The following TMTC2 variants were observed in gnomAD, a reference collection of about 807,000 sequenced individuals.
The protein encoded by TMTC2 is transmembrane O-mannosyltransferase targeting cadherins 2, also known as protein O-mannosyl-transferase TMTC2.
A neutral mutation model predicts 82.4 loss-of-function variants in TMTC2; 43 were observed. The ratio of observed to expected loss-of-function variants is 0.52; its 90% CI spans 0.41 to 0.67. TMTC2 has a LOEUF of 0.67. TMTC2 is among the 30% of genes least tolerant of loss of function. The pLI is 0.00. For synonymous variants in TMTC2, 408 were observed against 381.9 expected, an observed-to-expected ratio of 1.07 and a Z score of -0.80; for missense variants, 919 against 1,012.4, an observed-to-expected ratio of 0.91 and a Z score of 1.25.
rs145942090 is a variant in TMTC2 at position 82,687,733 on chromosome 12, T to G, written c.83+64T>G. 3.8e-4 allele frequency: 564 copies of G among 1,502,590 alleles called. 5 individuals carry two copies. In the African/African-American group the frequency reaches 6.7e-3, roughly 18 times the overall value. 93.1% of individuals were successfully genotyped at this position (1,502,590 alleles called of 1,614,324 possible). A position where few individuals can be genotyped will look rare whatever the true frequency, so the allele number is the denominator to read the frequency against. On this transcript the variant is annotated intron_variant, in intron 1 of 11. Transcript: ENST00000321196. The stretch of plus-strand genomic sequence containing the variant: ...GCACACTCCGCAGTGGCTCTGAAGC[T>G]TCCCTCTTTAAGGCTCAAAGTGCGT...
intron 2 of TMTC2, among the ~76,000 whole-genome samples, chr12:82,858,778 T>G (rs1871386456): frequency 6.6e-6 from 1 of 152,128 alleles, no homozygotes; most frequent in African/African-American, 2.4e-5. Flanking sequence ...ATGCTGAAAC[T>G]TTAAAAGAAA....
chr12:82,885,411 C>T (rs1393922216), intron 2 of TMTC2, among the ~76,000 whole-genome samples: 2 of 151,736 alleles, frequency 1.3e-5, no homozygotes, highest in Non-Finnish European at 2.9e-5. Flanking sequence ...CACTCTGTCA[C>T]CCATGCTTGA....
In TMTC2 at chr12:82,896,606, A is replaced by G; in HGVS notation, c.1443A>G (p.Glu481=). The G allele has an allele frequency of 6.2e-7, 1 of 1,613,380 alleles. No homozygotes were observed. The highest frequency in any genetic ancestry group is 1.3e-5 in the African/African-American group (1 of 74,938). The change falls in exon 3 of 12, where the codon GAA becomes GAG. Residue 481 remains glutamate (E), a synonymous_variant. Transcript: ENST00000321196. ...AIRNGDWQNE[E]MLYRSGIKVN... Reference sequence around the variant, plus strand: ...GGAATGGAGACTGGCAGAATGAGGAAATGCTTTATAGATCAGGGATAAAAG... The same window carrying G: ...GGAATGGAGACTGGCAGAATGAGGAGATGCTTTATAGATCAGGGATAAAAG...
intron 1 of TMTC2, among the ~76,000 whole-genome samples, chr12:82,840,710 A>G (rs940216297): frequency 1.3e-5 from 2 of 152,346 alleles, no homozygotes; most frequent in East Asian, 3.9e-4. Context: ...TGTTCCAAGT[A>G]TATGAATTTG....
In TMTC2 at chr12:82,867,279, T is replaced by G. The variant is rs140385549; in HGVS notation, c.654+9699T>G. ...TCAGTTTCCGTTCCAAAGGACAATT[T>G]CTTTCTTTCTCTATGTGTTGATTCA... On this transcript the variant is annotated intron_variant, in intron 2 of 11. Coordinates refer to ENST00000321196, the MANE Select transcript of TMTC2 (RefSeq NM_152588.3). Among the ~76,000 whole-genome samples the G allele has an allele frequency of 3.9e-5, 6 of 152,342 alleles. No homozygotes were observed. In the East Asian group the frequency reaches 1.2e-3, roughly 29 times the overall value.
intron 1 of TMTC2, among the ~76,000 whole-genome samples, chr12:82,839,597 A>C (rs549062735): frequency 6.6e-6 from 1 of 152,312 alleles, no homozygotes; most frequent in South Asian, 2.1e-4. Flanking sequence ...AAAACATAAT[A>C]AAGTGTGTAA....
intron 3 of TMTC2, among the ~76,000 whole-genome samples, chr12:82,924,390 C>A (rs12309576): frequency 6.6e-6 from 1 of 152,128 alleles, no homozygotes; most frequent in Non-Finnish European, 1.5e-5. Flanking sequence ...TATACAGTGA[C>A]GTTTTCCTTT....
intron 1 of TMTC2, among the ~76,000 whole-genome samples, chr12:82,696,898 G>A (rs1190651435): frequency 1.3e-5 from 2 of 151,344 alleles, no homozygotes; most frequent in Non-Finnish European, 2.9e-5. Flanking sequence ...TTTGGAGCTA[G>A]AAGCATCTCC....
intron 1 of TMTC2, among the ~76,000 whole-genome samples, chr12:82,699,555 G>A (rs1475403943): frequency 1.3e-5 from 2 of 152,066 alleles, no homozygotes; most frequent in Non-Finnish European, 2.9e-5. Flanking sequence ...GCAGTGTGGC[G>A]ATTAGGAAAG....
chr12:83,039,774 A>G (rs1193409294), intron 9 of TMTC2, among the ~76,000 whole-genome samples: 3 of 152,216 alleles, frequency 2.0e-5, no homozygotes, highest in Non-Finnish European at 4.4e-5. Context: ...GTATGATGAC[A>G]TTCTATGGTG....
chr12:83,115,286 A>G (rs1208494202), intron 11 of TMTC2, among the ~76,000 whole-genome samples: 1 of 152,218 alleles, frequency 6.6e-6, no homozygotes, highest in Non-Finnish European at 1.5e-5. Flanking sequence ...ATCATATTTC[A>G]AATAGAAACA....
At chr12:82,728,846 G>A (rs772569311) in intron 1 of TMTC2, among the ~76,000 whole-genome samples, 7 of 152,210 alleles carry the variant, frequency 4.6e-5, no homozygotes, top group Non-Finnish European at 1.0e-4. Context: ...GCATGGGCTC[G>A]GCGGCCCTGC....
intron 8 of TMTC2, among the ~76,000 whole-genome samples, chr12:83,002,470 C>T (rs1206171884): frequency 6.6e-6 from 1 of 151,940 alleles, no homozygotes; most frequent in Non-Finnish European, 1.5e-5. Flanking sequence ...TGGTTTCTTC[C>T]TTCTTTTCCA....
intron 11 of TMTC2, among the ~76,000 whole-genome samples, chr12:83,088,001 T>A (rs1883718818): frequency 6.6e-6 from 1 of 152,236 alleles, no homozygotes; most frequent in South Asian, 2.1e-4. Context: ...AATAGAAGGC[T>A]ATTTCATTTA....
intron 1 of TMTC2, among the ~76,000 whole-genome samples, chr12:82,762,284 C>CT (rs1471092594): frequency 6.6e-6 from 1 of 152,090 alleles, no homozygotes; most frequent in Admixed American, 6.6e-5. Flanking sequence ...TCCTTCTACT[C>CT]TATCTGGAAC....
chr12:83,000,065 A>G (rs2629041), intron 8 of TMTC2, among the ~76,000 whole-genome samples: 116,236 of 152,060 alleles, frequency 0.76, 45,970 homozygotes, highest in South Asian at 0.93. Flanking sequence ...AAATACAGCC[A>G]TTCCAAATGG....
intron 1 of TMTC2, among the ~76,000 whole-genome samples, chr12:82,723,495 G>T (rs1204296877): frequency 6.6e-6 from 1 of 152,128 alleles, no homozygotes; most frequent in Admixed American, 6.5e-5. Flanking sequence ...TACATCATGA[G>T]GTACTGGGGA....
intron 1 of TMTC2, among the ~76,000 whole-genome samples, chr12:82,754,631 G>T (rs781000350): frequency 6.6e-6 from 1 of 152,110 alleles, no homozygotes; most frequent in Non-Finnish European, 1.5e-5. Flanking sequence ...CAGCTACTTA[G>T]GGGGCTGAGG....
chr12:82,894,263 G>A (rs1276392824), intron 2 of TMTC2, among the ~76,000 whole-genome samples: 35 of 152,146 alleles, frequency 2.3e-4, no homozygotes, highest in Non-Finnish European at 2.9e-5. Flanking sequence ...CATTAAGGAC[G>A]TTTAAAATCA....
Sources: gnomAD v4.1 joint callset for allele counts (sites outside exome capture counted in the v4.1 genomes callset) on GRCh38, gnomAD v4.1.1 for gene constraint, MANE v1.5 for transcripts, NCBI Gene and HGNC (gene_info 2026-07-23, HGNC 2026-07-21) for gene names.